ABCB11: variants seen among roughly 807,000 people sequenced by gnomAD.
ABCB11 encodes the protein ATP binding cassette subfamily B member 11.
Under a neutral mutation model 148.0 loss-of-function variants are expected in ABCB11, and 95 were observed. That is an observed-to-expected ratio of 0.64 (90% CI 0.54 to 0.76). ABCB11 has a LOEUF of 0.76. Among genes scored for constraint, ABCB11 ranks in the 30% least tolerant of loss-of-function variants. The pLI, the probability that ABCB11 is intolerant of heterozygous loss-of-function variation, is 0.00. For missense variants in ABCB11, 1,523 were observed against 1,617.8 expected, an observed-to-expected ratio of 0.94 and a Z score of 1.01; for synonymous variants, 591 against 555.4, an observed-to-expected ratio of 1.06 and a Z score of -0.90.
chr2:168,944,639 G>A lies in ABCB11; in HGVS notation c.2576C>T (p.Thr859Ile). 6.2e-7 allele frequency: 1 copy of A among 1,611,340 alleles called. No individual in the cohort carries two copies. The highest frequency in any genetic ancestry group is 1.1e-5 in the South Asian group (1 of 90,564). ...TTGGGAAGCATCTGTAGCAAGTCTT[G>A]TTGTCAATGCTCCAGGGCTATTTCT... Reference protein sequence around the residue: ...DLRNSPGALTTRLATDASQVQ... With the variant: ...DLRNSPGALTIRLATDASQVQ... Residue 859 changes from threonine (T) to isoleucine (I), a missense_variant, in exon 21 of 28, where the codon ACA becomes ATA. Transcript: ENST00000650372.
intron 5 of ABCB11, among the ~76,000 whole-genome samples, chr2:169,004,444 T>C (rs1387186814): frequency 1.3e-5 from 2 of 152,190 alleles, no homozygotes; most frequent in Non-Finnish European, 2.9e-5. Context: ...TTTCTTCTGT[T>C]TATTTGATTC....
At chr2:168,989,585 C>T (rs1033877015) in intron 9 of ABCB11, among the ~76,000 whole-genome samples, 2 of 152,002 alleles carry the variant, frequency 1.3e-5, no homozygotes, top group African/African-American at 4.8e-5. Context: ...GATCAGGTAA[C>T]GTGATGCCTC....
chr2:169,016,783 T>C lies in ABCB11; in HGVS notation c.93A>G (p.Lys31=), dbSNP rs763739898. The change falls in exon 3 of 28, where the codon AAA becomes AAG. Residue 31 remains lysine (K), a synonymous_variant. Transcript: ENST00000650372. The stretch of plus-strand genomic sequence containing the variant: ...TGTTGAAATCAGTCACTTACCTTGA[T>C]TTCTTATCATTATTATCTGTCAGAA... ...ESDKSYNNDK[K]SRLQDEKKGD... The C allele has an allele frequency of 5.0e-6, 8 of 1,597,420 alleles. No individual in the cohort carries two copies. The Admixed American group carries it at 1.4e-4, about 27-fold the overall frequency.
chr2:169,006,864 T>G (rs1418652237), intron 5 of ABCB11, among the ~76,000 whole-genome samples: 2 of 152,146 alleles, frequency 1.3e-5, no homozygotes, highest in East Asian at 3.8e-4. Flanking sequence ...TGCAAAATAT[T>G]CTGAAAGCTA....
downstream of ABCB11, among the ~76,000 whole-genome samples, chr2:168,919,680 G>A (rs1300061315): frequency 6.6e-6 from 1 of 151,884 alleles, no homozygotes; most frequent in Non-Finnish European, 1.5e-5. Flanking sequence ...GGGGAGTAGA[G>A]GTGTTGAGAC....
intron 19 of ABCB11, among the ~76,000 whole-genome samples, chr2:168,950,034 G>A (rs897499216): frequency 1.3e-5 from 2 of 150,904 alleles, no homozygotes; most frequent in Non-Finnish European, 3.0e-5. Flanking sequence ...CCTCAAGCTT[G>A]CAGACAGCCT....
At chr2:169,030,069 A>G (rs1001585501) in intron 1 of ABCB11, among the ~76,000 whole-genome samples, 5 of 152,110 alleles carry the variant, frequency 3.3e-5, no homozygotes, top group African/African-American at 9.7e-5. Context: ...AGCAAAACAC[A>G]ACTCCAGTAT....
intron 17 of ABCB11, among the ~76,000 whole-genome samples, chr2:168,967,932 G>T (rs190511265): frequency 6.6e-6 from 1 of 151,982 alleles, no homozygotes; most frequent in East Asian, 1.9e-4. Context: ...ATTTTTAAGT[G>T]CTAAAAAATT....
intron 24 of ABCB11, among the ~76,000 whole-genome samples, chr2:168,931,440 T>C (rs1345408284): frequency 6.6e-6 from 1 of 152,232 alleles, no homozygotes; most frequent in Non-Finnish European, 1.5e-5. Context: ...GAATTTAGCT[T>C]AGCTTTACTA....
intron 1 of ABCB11, among the ~76,000 whole-genome samples, chr2:169,019,466 C>T (rs1276228409): frequency 2.6e-5 from 4 of 152,102 alleles, no homozygotes; most frequent in Non-Finnish European, 4.4e-5. Flanking sequence ...TTCTAGCACT[C>T]CCATGTATAC....
chr2:168,958,212 G>C, intron 18 of ABCB11, 84 bp from the exon 19 acceptor site: 1 of 1,374,326 alleles, frequency 7.3e-7, no homozygotes, highest in Admixed American at 1.7e-5. Context: ...ACAGATTTAA[G>C]AGTCATAGTT....
At position 168,923,286 on chromosome 2, in the gene ABCB11, T is replaced by C; in HGVS notation, c.*336A>G. 2.8e-6 allele frequency: 1 copy of C among 359,120 alleles called. No individual in the cohort carries two copies. The highest frequency in any genetic ancestry group is 5.1e-6 in the Non-Finnish European group (1 of 196,884). The allele number at this position is 359,120 out of a possible 1,614,324, so 22.2% of individuals were successfully genotyped here. A position where few individuals can be genotyped will look rare whatever the true frequency, so the allele number is the denominator to read the frequency against. On this transcript the variant is annotated 3_prime_UTR_variant, in exon 28 of 28. Transcript: ENST00000650372. ...GGAGTTCAAAGTGTCACTTACTCCC[T>C]GATGTCTCACTAATTCCCACATATT... is the stretch of plus-strand genomic sequence containing the variant.
At chr2:169,016,095 C>A (rs1166897283) in intron 3 of ABCB11, among the ~76,000 whole-genome samples, 1 of 152,148 alleles carries the variant, frequency 6.6e-6, no homozygotes, top group Non-Finnish European at 1.5e-5. Flanking sequence ...CCTCTCCTTG[C>A]CATTCATCTA....
intron 9 of ABCB11, among the ~76,000 whole-genome samples, chr2:168,986,876 A>G (rs2105997854): frequency 1.3e-5 from 2 of 152,308 alleles, no homozygotes; most frequent in South Asian, 4.1e-4. Flanking sequence ...CTAGCCATTA[A>G]CAATGGGCTT....
At chr2:168,972,805 T>G (rs1161664968) in intron 13 of ABCB11, among the ~76,000 whole-genome samples, 2 of 151,842 alleles carry the variant, frequency 1.3e-5, no homozygotes, top group Non-Finnish European at 2.9e-5. Flanking sequence ...TGAGACAGAG[T>G]GAAAAGAGCA....
chr2:168,976,476 G>T, intron 12 of ABCB11, 101 bp downstream of exon 12: 2 of 654,426 alleles, frequency 3.1e-6, no homozygotes, highest in Non-Finnish European at 5.1e-6. Flanking sequence ...CCTATTACTG[G>T]AAACAGAGTC....
chr2:169,020,718 TGGGGTA>T (rs1338898833), intron 1 of ABCB11, among the ~76,000 whole-genome samples: 3 of 136,404 alleles, frequency 2.2e-5, no homozygotes, highest in Middle Eastern at 7.0e-3. Context: ...TGCCTAATGC[TGGGGTA>T]GGGGTAGGGG....
chr2:168,924,552 G>A, intron 27 of ABCB11, 105 bp downstream of exon 27: 1 of 1,172,316 alleles, frequency 8.5e-7, no homozygotes, highest in Admixed American at 2.1e-5. Flanking sequence ...AATTTCTACT[G>A]TTAACGAATC....
At chr2:168,928,096 GA>G (rs1320951605) in intron 25 of ABCB11, among the ~76,000 whole-genome samples, 1 of 152,042 alleles carries the variant, frequency 6.6e-6, no homozygotes, top group East Asian at 1.9e-4. Context: ...TATTATTTCA[GA>G]AAAAAATTGT....
Sources: gnomAD v4.1 joint callset for allele counts (sites outside exome capture counted in the v4.1 genomes callset) on GRCh38, gnomAD v4.1.1 for gene constraint, MANE v1.5 for transcripts, NCBI Gene and HGNC (gene_info 2026-07-23, HGNC 2026-07-21) for gene names.